Variants in JAKMIP2 observed in about 807,000 individuals in gnomAD.
The protein encoded by JAKMIP2 is janus kinase and microtubule-interacting protein 2.
Under a neutral mutation model 115.0 loss-of-function variants are expected in JAKMIP2, and 25 were observed. The ratio of observed to expected loss-of-function variants is 0.22; its 90% CI spans 0.16 to 0.30. JAKMIP2 has a LOEUF of 0.30. Ranked by LOEUF, JAKMIP2 falls within the 10% of genes least tolerant of loss-of-function variation. The pLI is 1.00. For synonymous variants in JAKMIP2, 334 were observed against 343.6 expected (o/e 0.97, Z 0.31); for missense variants, 642 against 957.6 (o/e 0.67, Z 4.35).
chr5:147,686,323 A>C (rs1760567937), intron 1 of JAKMIP2, among the ~76,000 whole-genome samples: 2 of 151,338 alleles, frequency 1.3e-5, no homozygotes, highest in South Asian at 4.2e-4. Context: ...TTTTTTTGGA[A>C]ATCAGTGTTG....
At chr5:147,635,219 A>G (rs907012581) in intron 12 of JAKMIP2, among the ~76,000 whole-genome samples, 1 of 152,314 alleles carries the variant, frequency 6.6e-6, no homozygotes, top group Admixed American at 6.5e-5. Context: ...AGATTTGTAG[A>G]AGGTAAATAT....
At position 147,741,039 on chromosome 5, in the gene JAKMIP2, G is replaced by A. The variant is rs890811480; in HGVS notation, c.-149+41417C>T. On this transcript the variant is annotated intron_variant, in intron 1 of 21. Transcript: ENST00000616793. ...TGGCCCAGCTTCTTGGGATGAAGCC[G>A]ATCAGTACAGAGATCATCCCTGTCC... Among the ~76,000 whole-genome samples, 10 of 152,202 alleles carry A rather than the reference G, an allele frequency of 6.6e-5. No individual in the cohort carries two copies. In the East Asian group the frequency reaches 1.4e-3, roughly 21 times the overall value.
At chr5:147,766,590 G>A (rs1019443237) in intron 1 of JAKMIP2, among the ~76,000 whole-genome samples, 44 of 152,098 alleles carry the variant, frequency 2.9e-4, no homozygotes, top group African/African-American at 1.0e-3. Flanking sequence ...ACAACTGTGG[G>A]AAAAGAACAC....
At position 147,629,680 on chromosome 5, in the gene JAKMIP2, ATTCTT is replaced by A; in HGVS notation, c.1929+8_1929+12del. The stretch of plus-strand genomic sequence containing the variant: ...GCAAATTCATATCTATACTAAATCA[ATTCTT>A]TACTTACCCCATTATCACCCAAGAT... On this transcript the variant is annotated splice_region_variant and intron_variant, in intron 15 of 21. Coordinates refer to ENST00000616793, the MANE Select transcript of JAKMIP2 (RefSeq NM_001270941.2). The A allele has an allele frequency of 6.2e-7, 1 of 1,603,176 alleles. No individual in the cohort carries two copies. The highest frequency in any genetic ancestry group is 1.3e-5 in the African/African-American group (1 of 74,806).
intron 20 of JAKMIP2, among the ~76,000 whole-genome samples, chr5:147,606,830 C>T (rs1450364879): frequency 6.6e-6 from 1 of 152,086 alleles, no homozygotes; most frequent in Non-Finnish European, 1.5e-5. Flanking sequence ...AATGTTTTTC[C>T]ATTTGTTTGT....
chr5:147,636,326 G>C (rs1414040871), intron 11 of JAKMIP2, 42 bp from the exon 12 acceptor site: 1 of 1,519,772 alleles, frequency 6.6e-7, no homozygotes, highest in Admixed American at 1.7e-5. Context: ...TTTCAGAGTG[G>C]CACGAAAGAG....
chr5:147,611,433 G>A (rs1756315651), intron 20 of JAKMIP2, among the ~76,000 whole-genome samples: 1 of 152,144 alleles, frequency 6.6e-6, no homozygotes. Flanking sequence ...CCTTGGCTAG[G>A]GGAGGGATTT....
At chr5:147,613,389 A>T (rs919119613) in intron 19 of JAKMIP2, among the ~76,000 whole-genome samples, 1 of 152,182 alleles carries the variant, frequency 6.6e-6, no homozygotes, top group African/African-American at 2.4e-5. Context: ...GGTAGGAGAA[A>T]AAAAGGGAAG....
chr5:147,660,629 T>C, intron 3 of JAKMIP2: 1 of 361,588 alleles, frequency 2.8e-6, no homozygotes. Flanking sequence ...TATAAATATC[T>C]AAGAAAACAG....
At chr5:147,646,623 AT>A in intron 5 of JAKMIP2, among the ~76,000 whole-genome samples, 1 of 151,986 alleles carries the variant, frequency 6.6e-6, no homozygotes, top group African/African-American at 2.4e-5. Flanking sequence ...GTGTGTATAT[AT>A]GTATGTGTAA....
Position 147,636,107 on chromosome 5 carries a change from C to T in JAKMIP2, c.1677+115G>A, listed in dbSNP as rs73268148. The T allele has an allele frequency of 4.1e-3, 3,092 of 763,274 alleles. 69 individuals are homozygous for T. In the African/African-American group the frequency reaches 0.044, roughly 11 times the overall value. 47.3% of individuals were successfully genotyped at this position (763,274 alleles called of 1,614,324 possible). On this transcript the variant is annotated intron_variant, in intron 12 of 21. Coordinates refer to ENST00000616793, the MANE Select transcript of JAKMIP2 (RefSeq NM_001270941.2). ...CACGCAGCCGAGGACAGAGCAGTGCCGGAAAAGCCTCCCCTTCCCCTGGCC... is the reference window on the plus strand; with the variant it reads ...CACGCAGCCGAGGACAGAGCAGTGCTGGAAAAGCCTCCCCTTCCCCTGGCC...
At chr5:147,639,949 G>T (rs1200596171) in intron 9 of JAKMIP2, among the ~76,000 whole-genome samples, 189 bp from the exon 10 acceptor site, 1 of 152,162 alleles carries the variant, frequency 6.6e-6, no homozygotes, top group Non-Finnish European at 1.5e-5. Context: ...GATGGACACT[G>T]CAGAAATACA....
chr5:147,713,216 T>C (rs1752848467), intron 1 of JAKMIP2, among the ~76,000 whole-genome samples: 1 of 152,320 alleles, frequency 6.6e-6, no homozygotes, highest in Admixed American at 6.5e-5. Context: ...AATACAAAAT[T>C]GCTTAACATT....
chr5:147,675,174 C>T (rs952646118), intron 1 of JAKMIP2, among the ~76,000 whole-genome samples: 9 of 151,808 alleles, frequency 5.9e-5, no homozygotes, highest in Non-Finnish European at 7.4e-5. Context: ...TATTATGTGC[C>T]GGACTTTATA....
At chr5:147,774,116 A>G (rs1755467329) in intron 1 of JAKMIP2, among the ~76,000 whole-genome samples, 1 of 152,206 alleles carries the variant, frequency 6.6e-6, no homozygotes, top group East Asian at 1.9e-4. Context: ...TCTCTAAAAT[A>G]CAAAACCTGT....
chr5:147,633,694 A>AT (rs746793113), intron 12 of JAKMIP2, among the ~76,000 whole-genome samples: 15,649 of 133,714 alleles, frequency 0.12, 1,163 homozygotes, highest in South Asian at 0.21. Context: ...TTATCTTTGG[A>AT]TTTTTTTTTT....
At chr5:147,637,437 A>ATTTTTTGTTTTTTTTTTTTTTTTTTTTT (rs1757672830) in intron 10 of JAKMIP2, among the ~76,000 whole-genome samples, 1 of 79,340 alleles carries the variant, frequency 1.3e-5, no homozygotes, top group Non-Finnish European at 2.6e-5. Flanking sequence ...AATTCTTTTG[A>ATTTTTTGTTTTTTTTTTTTTTTTTTTTT]TTTTTTTTTT....
chr5:147,744,336 T>C (rs1024645371), intron 1 of JAKMIP2, among the ~76,000 whole-genome samples: 1 of 152,178 alleles, frequency 6.6e-6, no homozygotes, highest in East Asian at 1.9e-4. Flanking sequence ...CATGACCCTT[T>C]ATGTGACACC....
chr5:147,661,200 G>T lies in JAKMIP2; in HGVS notation c.375C>A (p.Ser125Arg), dbSNP rs201023529. ...TGAGCGCTGTCCTTACTTTGTCACT[G>T]CTGCCGTCGCGGAGAGCACAGAGAG... ...KSALCALRDG[S>R]SDKVRTALTI... The change falls in exon 3 of 22, where the codon AGC becomes AGA. Residue 125 changes from serine to arginine, a missense_variant. By Grantham distance (110) the Ser-to-Arg change is moderately radical. This residue lies in a region of JAKMIP2 where 439 missense variants were observed against 570.9 expected (regional missense o/e 0.77). Transcript: ENST00000616793. 1 of 1,614,040 alleles carries T rather than the reference G, an allele frequency of 6.2e-7. No individual in the cohort carries two copies. The highest frequency in any genetic ancestry group is 1.7e-5 in the Admixed American group (1 of 60,022).
Sources: gnomAD v4.1 joint callset for allele counts (sites outside exome capture counted in the v4.1 genomes callset) on GRCh38, gnomAD v4.1.1 for gene constraint, gnomAD v4.1.1 regional missense constraint, MANE v1.5 for transcripts, NCBI Gene and HGNC (gene_info 2026-07-23, HGNC 2026-07-21) for gene names.